The following ADCY5 variants were observed in gnomAD, a reference collection of about 807,000 sequenced individuals.
The protein encoded by ADCY5 is adenylate cyclase 5.
A neutral mutation model predicts 119.7 loss-of-function variants in ADCY5; 30 were observed. The ratio of observed to expected loss-of-function variants is 0.25; its 90% confidence interval spans 0.19 to 0.34. The LOEUF (loss-of-function observed/expected upper bound fraction) is 0.34. ADCY5 is among the 10% of genes least tolerant of loss of function. The pLI, the probability that ADCY5 is intolerant of heterozygous loss-of-function variation, is 1.00. For missense variants in ADCY5, 1,324 were observed against 1,775.2 expected (o/e 0.75, Z 4.57); for synonymous variants, 753 against 762.2 (o/e 0.99, Z 0.20).
intron 1 of ADCY5, among the ~76,000 whole-genome samples, chr3:123,405,495 G>A (rs1301057161): frequency 2.0e-5 from 3 of 152,214 alleles, no homozygotes; most frequent in Non-Finnish European, 4.4e-5. Flanking sequence ...TGAGAGGTGA[G>A]GAGGGAGCAG....
At chr3:123,368,685 G>A (rs114352641) in intron 1 of ADCY5, among the ~76,000 whole-genome samples, 1 of 151,824 alleles carries the variant, frequency 6.6e-6, no homozygotes, top group African/African-American at 2.4e-5. Context: ...CCATAAGGCA[G>A]AGGTTGCAGT....
intron 1 of ADCY5, among the ~76,000 whole-genome samples, chr3:123,378,141 T>C (rs776818128): frequency 6.6e-6 from 1 of 151,982 alleles, no homozygotes; most frequent in Non-Finnish European, 1.5e-5. Flanking sequence ...CAGAAACCGT[T>C]CCTCTCCACC....
At chr3:123,330,806 C>A in intron 5 of ADCY5, 83 bp downstream of exon 5, 1 of 1,479,846 alleles carries the variant, frequency 6.8e-7, no homozygotes, top group Admixed American at 2.3e-5. Context: ...CTGCCTCCAA[C>A]TAGGCAGCCG....
intron 1 of ADCY5, chr3:123,404,589 T>C (rs1037902137): frequency 2.0e-5 from 3 of 152,312 alleles, no homozygotes; most frequent in African/African-American, 7.2e-5. Flanking sequence ...ATGTGCACTA[T>C]GCCCAGAATA....
chr3:123,328,314 C>T (rs1236239901), intron 6 of ADCY5, among the ~76,000 whole-genome samples: 1 of 152,122 alleles, frequency 6.6e-6, no homozygotes, highest in East Asian at 1.9e-4. Flanking sequence ...ATGGTCTAGC[C>T]ATCCCAGAAA....
rs762578500 is a variant in ADCY5 at position 123,291,276 on chromosome 3, C to T, written c.3164G>A (p.Arg1055His). The T allele has an allele frequency of 8.1e-6, 13 of 1,613,868 alleles. No individual in the cohort carries two copies. Among genetic ancestry groups the T allele is most frequent in the Admixed American group, 1.7e-5 (1 of 60,012 alleles). The change falls in exon 18 of 21, where the codon CGC becomes CAC. Residue 1055 changes from arginine to histidine, a missense_variant. Transcript: ENST00000462833. ...PKDVAAHFLA[R>H]ERRNDELYYQ... is the part of the protein sequence containing the mutation. The stretch of plus-strand genomic sequence containing the variant: ...GTAGAGCTCATCATTGCGCCGCTCG[C>T]GGGCCAGGAAGTGAGCGGCCACGTC...
At chr3:123,397,356 C>T (rs113007843) in intron 1 of ADCY5, among the ~76,000 whole-genome samples, 2,618 of 152,330 alleles carry the variant, frequency 0.017, 76 homozygotes, top group African/African-American at 0.06. Context: ...CCATGGCTGG[C>T]CAGGCGCAGT....
At chr3:123,340,926 A>C (rs1163076707) in intron 3 of ADCY5, among the ~76,000 whole-genome samples, 1 of 151,804 alleles carries the variant, frequency 6.6e-6, no homozygotes, top group Non-Finnish European at 1.5e-5. Flanking sequence ...GGAGTTTGAG[A>C]CCAGCCTGGC....
At chr3:123,295,511 C>T (rs1939443335) in intron 17 of ADCY5, among the ~76,000 whole-genome samples, 1 of 152,252 alleles carries the variant, frequency 6.6e-6, no homozygotes. Context: ...GCCTGGAGAG[C>T]CAAGTGCTGG....
intron 14 of ADCY5, among the ~76,000 whole-genome samples, chr3:123,301,563 C>G (rs1036784459): frequency 6.6e-6 from 1 of 152,220 alleles, no homozygotes; most frequent in Non-Finnish European, 1.5e-5. Flanking sequence ...AGGGTCTGGT[C>G]TGTGAGGAGT....
chr3:123,370,057 G>C lies in ADCY5; in HGVS notation c.1135-17476C>G, dbSNP rs116573164. 4.8e-3 allele frequency among the ~76,000 whole-genome samples: 727 copies of C among 152,248 alleles called. 3 individuals are homozygous for C. The highest frequency in any genetic ancestry group is 0.017 in the African/African-American group (704 of 41,540). On this transcript the variant is annotated intron_variant, in intron 1 of 20. Coordinates refer to ENST00000462833, the MANE Select transcript of ADCY5 (RefSeq NM_183357.3). ...TAAGTCTTCTCTCCCAGGGCCAATG[G>C]AGGCATGACCTAATGCCAAAGGGTG...
intron 6 of ADCY5, 126 bp downstream of exon 6, chr3:123,328,518 C>T: frequency 2.6e-6 from 3 of 1,168,298 alleles, no homozygotes; most frequent in East Asian, 4.7e-5. Flanking sequence ...AGCGCCCCCA[C>T]AGGTGCTTGC....
chr3:123,290,029 C>A, intron 18 of ADCY5, 75 bp from the exon 19 acceptor site: 1 of 1,472,142 alleles, frequency 6.8e-7, no homozygotes, highest in Admixed American at 1.8e-5. Context: ...CAGAGGATGT[C>A]CAGGGAAGTG....
chr3:123,403,035 C>T (rs1944813999), intron 1 of ADCY5, among the ~76,000 whole-genome samples: 1 of 152,112 alleles, frequency 6.6e-6, no homozygotes, highest in Admixed American at 6.6e-5. Flanking sequence ...ATGTCTTCAC[C>T]AGTGTCTCCC....
chr3:123,385,829 CCT>C (rs756097622), intron 1 of ADCY5, among the ~76,000 whole-genome samples: 11 of 152,156 alleles, frequency 7.2e-5, no homozygotes, highest in Non-Finnish European at 1.5e-4. Flanking sequence ...GTTTTTCTTA[CCT>C]CTCTCTATAG....
At chr3:123,354,564 A>C (rs1230821650) in intron 1 of ADCY5, among the ~76,000 whole-genome samples, 1 of 152,192 alleles carries the variant, frequency 6.6e-6, no homozygotes, top group Non-Finnish European at 1.5e-5. Flanking sequence ...AAGGAGGAAG[A>C]GATGAGGAAG....
At chr3:123,424,576 G>T (rs952686528) in intron 1 of ADCY5, among the ~76,000 whole-genome samples, 1 of 152,242 alleles carries the variant, frequency 6.6e-6, no homozygotes, top group Non-Finnish European at 1.5e-5. Flanking sequence ...AACAAGCACA[G>T]CGAGGCCTTG....
At chr3:123,405,423 A>C (rs760542220) in intron 1 of ADCY5, among the ~76,000 whole-genome samples, 1 of 152,128 alleles carries the variant, frequency 6.6e-6, no homozygotes, top group Non-Finnish European at 1.5e-5. Flanking sequence ...CAGACCCAGA[A>C]CACCGGCACA....
At chr3:123,408,126 G>A (rs1411178591) in intron 1 of ADCY5, among the ~76,000 whole-genome samples, 3 of 152,094 alleles carry the variant, frequency 2.0e-5, no homozygotes, top group Non-Finnish European at 2.9e-5. Flanking sequence ...TGGACCTACG[G>A]TGAAAAATCT....
Sources: allele counts gnomAD v4.1 joint callset (sites outside exome capture counted in the v4.1 genomes callset), GRCh38; gene constraint gnomAD v4.1.1; transcripts MANE v1.5; gene names NCBI Gene and HGNC (gene_info 2026-07-23, HGNC 2026-07-21).